The following SGCZ variants were observed in gnomAD, a reference collection of about 807,000 sequenced individuals.
The protein encoded by SGCZ is zeta-sarcoglycan.
Under a neutral mutation model 41.3 loss-of-function variants are expected in SGCZ, and 40 were observed. The observed-to-expected ratio is 0.97, with a 90% confidence interval of 0.75 to 1.26. The LOEUF is 1.26. Ranked by LOEUF, SGCZ falls within the 50% of genes most tolerant of loss-of-function variation. SGCZ has a pLI of 0.00. For synonymous variants in SGCZ, 206 were observed against 137.5 expected (o/e 1.50, Z -3.49); for missense variants, 552 against 369.8 (o/e 1.49, Z -4.04).
chr8:14,658,929 G>A (rs1363440807), intron 1 of SGCZ, among the ~76,000 whole-genome samples: 1 of 151,980 alleles, frequency 6.6e-6, no homozygotes, highest in East Asian at 1.9e-4. Context: ...AGGGAGACAG[G>A]AAGGAAAAAG....
chr8:14,496,677 G>A (rs952914618), intron 2 of SGCZ, among the ~76,000 whole-genome samples: 1 of 151,964 alleles, frequency 6.6e-6, no homozygotes, highest in African/African-American at 2.4e-5. Context: ...TTGTTTCCTA[G>A]AAGTTTCTCT....
chr8:14,430,774 A>G (rs1216556371), intron 2 of SGCZ, among the ~76,000 whole-genome samples: 1 of 152,192 alleles, frequency 6.6e-6, no homozygotes, highest in Non-Finnish European at 1.5e-5. Context: ...TACTGATAAT[A>G]TCATTGTTTA....
intron 1 of SGCZ, among the ~76,000 whole-genome samples, chr8:15,001,104 T>C (rs1802402732): frequency 2.0e-5 from 3 of 152,204 alleles, no homozygotes; most frequent in Admixed American, 2.0e-4. Flanking sequence ...AACTGGCCTC[T>C]TGGAATTCAA....
At chr8:15,171,215 C>T (rs535981454) in intron 1 of SGCZ, among the ~76,000 whole-genome samples, 1 of 152,196 alleles carries the variant, frequency 6.6e-6, no homozygotes, top group East Asian at 1.9e-4. Flanking sequence ...AGTTCATTTT[C>T]CTGAATTATA....
intron 1 of SGCZ, among the ~76,000 whole-genome samples, chr8:15,055,069 G>A (rs1245849800): frequency 6.6e-6 from 1 of 151,898 alleles, no homozygotes; most frequent in Non-Finnish European, 1.5e-5. Context: ...TTTACCTAAA[G>A]AATAAGTGCC....
At chr8:14,122,839 T>TA (rs1802742343) in intron 5 of SGCZ, among the ~76,000 whole-genome samples, 1 of 152,184 alleles carries the variant, frequency 6.6e-6, no homozygotes, top group Admixed American at 6.5e-5. Context: ...TATCACATCT[T>TA]AAAGGTTTCT....
intron 1 of SGCZ, among the ~76,000 whole-genome samples, chr8:14,967,700 G>C (rs1801166335): frequency 1.3e-5 from 2 of 152,036 alleles, no homozygotes; most frequent in African/African-American, 4.8e-5. Flanking sequence ...CTATTTAATT[G>C]AAGTATATAA....
chr8:14,259,822 A>C (rs1301294408), intron 3 of SGCZ, among the ~76,000 whole-genome samples: 1 of 151,040 alleles, frequency 6.6e-6, no homozygotes, highest in East Asian at 1.9e-4. Context: ...ATGAACTTTA[A>C]AGTAGTTTTT....
intron 4 of SGCZ, among the ~76,000 whole-genome samples, chr8:14,168,351 A>G (rs1358523446): frequency 6.6e-6 from 1 of 152,164 alleles, no homozygotes; most frequent in Non-Finnish European, 1.5e-5. Flanking sequence ...ACACTGTAAT[A>G]TGGTTTGGTT....
At chr8:14,336,973 G>A (rs866262717) in intron 2 of SGCZ, among the ~76,000 whole-genome samples, 6 of 152,092 alleles carry the variant, frequency 3.9e-5, no homozygotes, top group African/African-American at 1.4e-4. Context: ...CTCTGGCACT[G>A]TTCCAGGTGT....
intron 1 of SGCZ, among the ~76,000 whole-genome samples, chr8:14,555,267 A>C (rs1803999738): frequency 6.6e-6 from 1 of 152,056 alleles, no homozygotes; most frequent in South Asian, 2.1e-4. Context: ...TCCAAGTGAT[A>C]CAGTTTGGAT....
Position 14,455,676 on chromosome 8 carries a change from T to C in SGCZ, c.234+99056A>G, listed in dbSNP as rs564125337. On this transcript the variant is annotated intron_variant, in intron 2 of 7. Transcript: ENST00000382080. ...CAGATCATTTGTGTTTTATTTGCAA[T>C]CACAAAATATTAGAGGCAATGCAAA... is the stretch of plus-strand genomic sequence containing the variant. Among the ~76,000 whole-genome samples the C allele has an allele frequency of 7.9e-4, 120 of 152,296 alleles. 1 individual carries two copies. Among genetic ancestry groups the C allele is most frequent in the African/African-American group, 2.2e-3 (92 of 41,570 alleles).
chr8:15,033,302 C>A (rs1445378536), intron 1 of SGCZ, among the ~76,000 whole-genome samples: 4 of 152,036 alleles, frequency 2.6e-5, no homozygotes, highest in Non-Finnish European at 5.9e-5. Context: ...AGGATCTTAA[C>A]CAGTTCCCAC....
chr8:14,446,116 C>T (rs1800425727), intron 2 of SGCZ, among the ~76,000 whole-genome samples: 1 of 152,150 alleles, frequency 6.6e-6, no homozygotes, highest in Non-Finnish European at 1.5e-5. Context: ...AAGTCATAGT[C>T]AATAAGTCAG....
intron 2 of SGCZ, among the ~76,000 whole-genome samples, chr8:14,371,499 C>T (rs550904365): frequency 1.3e-5 from 2 of 150,744 alleles, no homozygotes; most frequent in Non-Finnish European, 3.0e-5. Context: ...CTAATTTTAT[C>T]CTAAATTTCG....
At chr8:14,797,236 G>C (rs7010659) in intron 1 of SGCZ, among the ~76,000 whole-genome samples, 11,527 of 152,070 alleles carry the variant, frequency 0.076, 1,364 homozygotes, top group African/African-American at 0.25. Context: ...GGAGGGCTCA[G>C]AAGACAGGAA....
chr8:14,810,227 G>A (rs77779210), intron 1 of SGCZ, among the ~76,000 whole-genome samples: 9,874 of 151,942 alleles, frequency 0.065, 690 homozygotes, highest in African/African-American at 0.17. Flanking sequence ...ATTTGGTAAG[G>A]CAATTTTTTT....
At chr8:15,088,605 G>C (rs1585550580) in intron 1 of SGCZ, among the ~76,000 whole-genome samples, 1 of 29,118 alleles carries the variant, frequency 3.4e-5, no homozygotes, top group Non-Finnish European at 2.1e-4. Flanking sequence ...GAGACTTAAA[G>C]CTAGGAACTC....
At chr8:14,889,989 C>T (rs1804950919) in intron 1 of SGCZ, among the ~76,000 whole-genome samples, 1 of 151,990 alleles carries the variant, frequency 6.6e-6, no homozygotes, top group Non-Finnish European at 1.5e-5. Flanking sequence ...GAGGCCAAGG[C>T]AGGCAGATCA....
Sources: allele counts gnomAD v4.1 joint callset (sites outside exome capture counted in the v4.1 genomes callset), GRCh38; gene constraint gnomAD v4.1.1; transcripts MANE v1.5; gene names NCBI Gene and HGNC (gene_info 2026-07-23, HGNC 2026-07-21).